PTPRS: variants seen among roughly 807,000 people sequenced by gnomAD.
PTPRS encodes the protein protein tyrosine phosphatase receptor type S, also known as receptor-type tyrosine-protein phosphatase S.
A neutral mutation model predicts 215.3 loss-of-function variants in PTPRS; 63 were observed. The ratio of observed to expected loss-of-function variants is 0.29; its 90% CI spans 0.24 to 0.36. The LOEUF (loss-of-function observed/expected upper bound fraction) is 0.36, where lower values mean the gene tolerates loss of function less well. Ranked by LOEUF, PTPRS falls within the 10% of genes least tolerant of loss-of-function variation. PTPRS has a pLI of 1.00. For missense variants in PTPRS, 2,258 were observed against 2,825.8 expected (o/e 0.80, Z 4.56); for synonymous variants, 1,404 against 1,191.4 (o/e 1.18, Z -3.68).
intron 11 of PTPRS, among the ~76,000 whole-genome samples, 186 bp downstream of exon 11, chr19:5,243,715 G>A (rs1188173068): frequency 3.3e-5 from 5 of 152,024 alleles, no homozygotes; most frequent in South Asian, 2.1e-4. Flanking sequence ...CCGGTGACCC[G>A]CCCGCCTTGG....
intron 1 of PTPRS, among the ~76,000 whole-genome samples, chr19:5,310,263 G>A (rs916094249): frequency 6.0e-5 from 9 of 150,986 alleles, no homozygotes; most frequent in African/African-American, 1.9e-4. Context: ...TCTTGATTCT[G>A]TAGCTAAAAC....
chr19:5,244,616 C>A lies in PTPRS; in HGVS notation c.989-134G>T, dbSNP rs1489218160. 5 of 687,970 alleles carry A rather than the reference C, an allele frequency of 7.3e-6. No homozygotes were observed. The highest frequency in any genetic ancestry group is 1.8e-5 in the African/African-American group (1 of 55,596). 42.6% of individuals were successfully genotyped at this position (687,970 alleles called of 1,614,324 possible). ...AGCAGTAATCATGGGCCTCATGACT[C>A]CTGTCATCGTCTACAGCAAGGGGTA... On this transcript the variant is annotated intron_variant, in intron 10 of 37. Transcript: ENST00000262963. This position sits in a 1 kb window ranked among gnomAD's most constrained non-coding sequence, Gnocchi z 7.2.
chr19:5,208,886 C>T (rs527981694), intron 35 of PTPRS, among the ~76,000 whole-genome samples: 1 of 152,278 alleles, frequency 6.6e-6, no homozygotes, highest in East Asian at 1.9e-4. Context: ...CACCATGATC[C>T]TCTGTCATCT....
intron 7 of PTPRS, among the ~76,000 whole-genome samples, chr19:5,259,645 G>A (rs1341582350): frequency 1.3e-5 from 2 of 152,192 alleles, no homozygotes; most frequent in South Asian, 2.1e-4. Flanking sequence ...TCACAGGCCT[G>A]GACCCAAGTG....
intron 1 of PTPRS, among the ~76,000 whole-genome samples, chr19:5,334,114 C>T (rs1376092467): frequency 2.0e-5 from 3 of 152,178 alleles, no homozygotes; most frequent in Non-Finnish European, 4.4e-5. Flanking sequence ...GTTCAGCTCC[C>T]GCCAGTCGCC....
intron 25 of PTPRS, among the ~76,000 whole-genome samples, chr19:5,217,050 G>A (rs945339002): frequency 2.0e-5 from 3 of 152,222 alleles, no homozygotes; most frequent in Non-Finnish European, 2.9e-5. Context: ...CCCCAGACCA[G>A]CCTGGCCTTG....
intron 1 of PTPRS, among the ~76,000 whole-genome samples, chr19:5,288,692 T>C (rs957555635): frequency 8.5e-5 from 13 of 152,126 alleles, no homozygotes; most frequent in African/African-American, 2.9e-4. Context: ...TGAGGCAGCA[T>C]AGCAAACCTG....
rs1388692315 is a variant in PTPRS at position 5,220,267 on chromosome 19, A to G, written c.3542T>C (p.Leu1181Pro). The change falls in exon 21 of 38, where the codon CTG (leucine) becomes CCG (proline). Residue 1181 changes from leucine to proline, a missense_variant. This residue lies in a region of PTPRS where 927 missense variants were observed against 1,125.9 expected (regional missense o/e 0.82). Transcript: ENST00000262963. ...TGGGCCCCAGGCCCTCACCTCTTCC[A>G]GATCCATGTCCTCTGGGCTACCCAG... is the stretch of plus-strand genomic sequence containing the variant. Reference protein sequence around the residue: ...TPLGSPEDMDLEELIQDISRL... With the variant: ...TPLGSPEDMDPEELIQDISRL... The G allele has an allele frequency of 6.2e-7, 1 of 1,613,966 alleles. No individual in the cohort carries two copies. The highest frequency in any genetic ancestry group is 8.5e-7 in the Non-Finnish European group (1 of 1,179,908).
At chr19:5,334,733 T>A (rs2050437961) in intron 1 of PTPRS, among the ~76,000 whole-genome samples, 1 of 152,164 alleles carries the variant, frequency 6.6e-6, no homozygotes. Context: ...GCGTTAGGAA[T>A]CCAGGTTGTG....
intron 1 of PTPRS, among the ~76,000 whole-genome samples, chr19:5,333,606 G>GC (rs958698754): frequency 2.0e-5 from 3 of 151,446 alleles, no homozygotes; most frequent in African/African-American, 7.3e-5. Context: ...TCTTGTTTCC[G>GC]CCCCCCTCAC....
chr19:5,329,326 C>T (rs2050253674), intron 1 of PTPRS, among the ~76,000 whole-genome samples: 2 of 152,074 alleles, frequency 1.3e-5, no homozygotes, highest in Non-Finnish European at 1.5e-5. Flanking sequence ...TCACACAGCT[C>T]GTAAGGGGCA....
rs374799314 is a variant in PTPRS at position 5,222,745 on chromosome 19, C to T, written c.3047G>A (p.Arg1016Gln). The T allele has an allele frequency of 9.3e-5, 148 of 1,598,122 alleles. 2 individuals are homozygous for T. Among genetic ancestry groups the T allele is most frequent in the South Asian group, 1.3e-4 (12 of 90,912 alleles). Residue 1016 changes from arginine (R) to glutamine (Q), a missense_variant, in exon 18 of 38, where the codon CGG becomes CAG. By Grantham distance (43) the Arg-to-Gln change is conservative. Around this residue, in one of 6 missense-constraint regions of PTPRS, gnomAD observed 361 missense variants for 332.6 expected, o/e 1.09. Transcript: ENST00000262963. ...YDLQVRAHTR[R>Q]GPGPFSPPVR... Reference sequence around the variant, plus strand: ...GGGGGGGCTGAAGGGGCCAGGGCCCCGGCGCGTGTGGGCTCGCACTTGGAG... The same window carrying T: ...GGGGGGGCTGAAGGGGCCAGGGCCCTGGCGCGTGTGGGCTCGCACTTGGAG...
chr19:5,252,212 C>A (rs562947834), intron 9 of PTPRS, among the ~76,000 whole-genome samples: 1 of 152,098 alleles, frequency 6.6e-6, no homozygotes, highest in Admixed American at 6.6e-5. Context: ...CAAGACTCTG[C>A]GTTAAATTAT....
chr19:5,258,933 A>C (rs1314792634), intron 7 of PTPRS, among the ~76,000 whole-genome samples: 1 of 152,226 alleles, frequency 6.6e-6, no homozygotes, highest in African/African-American at 2.4e-5. Flanking sequence ...CCTGAAGTCA[A>C]CATCCTGGTG....
At chr19:5,311,756 T>C (rs1411984681) in intron 1 of PTPRS, among the ~76,000 whole-genome samples, 2 of 151,964 alleles carry the variant, frequency 1.3e-5, no homozygotes, top group Admixed American at 1.3e-4. Flanking sequence ...TGTGCATCCC[T>C]TGGGCCGGGT....
At chr19:5,277,687 T>A in intron 2 of PTPRS, 1 of 524,728 alleles carries the variant, frequency 1.9e-6, no homozygotes, top group Non-Finnish European at 3.5e-6. Flanking sequence ...AAGCCTCCCT[T>A]CCTCGGCGCT....
chr19:5,285,635 T>C (rs368566763), intron 2 of PTPRS, among the ~76,000 whole-genome samples: 10 of 152,338 alleles, frequency 6.6e-5, no homozygotes, highest in African/African-American at 2.4e-4. Flanking sequence ...GTGAACTCTG[T>C]GGCTCACTAA....
intron 4 of PTPRS, among the ~76,000 whole-genome samples, chr19:5,265,663 G>A (rs182667717): frequency 1.2e-3 from 186 of 152,076 alleles, no homozygotes; most frequent in Non-Finnish European, 2.1e-3. Flanking sequence ...CTGTACAAGG[G>A]GGAGGCTGGT....
At chr19:5,281,969 T>C (rs1416944403) in intron 2 of PTPRS, among the ~76,000 whole-genome samples, 1 of 152,138 alleles carries the variant, frequency 6.6e-6, no homozygotes, top group Non-Finnish European at 1.5e-5. Flanking sequence ...GCACCTCCCC[T>C]GGGGAGCCTT....
Sources: gnomAD v4.1 joint callset for allele counts (sites outside exome capture counted in the v4.1 genomes callset) on GRCh38, gnomAD v4.1.1 for gene constraint, gnomAD v4.1.1 regional missense constraint, Gnocchi (gnomAD v3.1) non-coding constraint, MANE v1.5 for transcripts, NCBI Gene and HGNC (gene_info 2026-07-23, HGNC 2026-07-21) for gene names.